ZMYM4: variants seen among roughly 807,000 people sequenced by gnomAD.
The protein encoded by ZMYM4 is zinc finger MYM-type protein 4.
Under a neutral mutation model 183.2 loss-of-function variants are expected in ZMYM4, and 31 were observed. The ratio of observed to expected loss-of-function variants is 0.17; its 90% CI spans 0.13 to 0.23. The LOEUF is 0.23. Ranked by LOEUF, ZMYM4 falls within the 10% of genes least tolerant of loss-of-function variation. The pLI is 1.00. For missense variants in ZMYM4, 1,273 were observed against 1,840.3 expected, an observed-to-expected ratio of 0.69 and a Z score of 5.64; for synonymous variants, 592 against 631.2, an observed-to-expected ratio of 0.94 and a Z score of 0.93.
At chr1:35,275,738 G>A (rs1447970038) in intron 1 of ZMYM4, among the ~76,000 whole-genome samples, 1 of 152,058 alleles carries the variant, frequency 6.6e-6, no homozygotes, top group Non-Finnish European at 1.5e-5. Flanking sequence ...TTGTATAAAT[G>A]TACTGTATTC....
At chr1:35,402,287 A>T (rs1266446605) in intron 23 of ZMYM4, among the ~76,000 whole-genome samples, 1 of 152,134 alleles carries the variant, frequency 6.6e-6, no homozygotes, top group Non-Finnish European at 1.5e-5. Flanking sequence ...AGTATTTAAG[A>T]TATTTTGATG....
At position 35,405,378 on chromosome 1, in the gene ZMYM4, G is replaced by T; in HGVS notation, c.3706G>T (p.Glu1236Ter). The change falls in exon 25 of 30, where the codon GAA becomes TAA. Residue 1236 changes from glutamate to a stop codon, truncating the protein, a stop_gained. Transcript: ENST00000314607. LOFTEE classifies it high-confidence loss of function. Reference sequence around the variant, plus strand: ...TATGTTTCTCTCCTTGTCAGGGGTTGAACAGGCCTCATCTAGCCCACGTTC... The same window carrying T: ...TATGTTTCTCTCCTTGTCAGGGGTTTAACAGGCCTCATCTAGCCCACGTTC... Reference protein sequence around the residue: ...EQGDLKCGGVEQASSSPRSDP... With the variant: ...EQGDLKCGGV 6.2e-7 allele frequency: 1 copy of T among 1,606,508 alleles called. No homozygotes were observed. Among genetic ancestry groups the T allele is most frequent in the South Asian group, 1.1e-5 (1 of 88,946 alleles).
chr1:35,351,060 A>G (rs1368415630), intron 2 of ZMYM4: 2 of 845,354 alleles, frequency 2.4e-6, no homozygotes, highest in Non-Finnish European at 4.0e-6. Flanking sequence ...TAGGTTTGGC[A>G]TGGACAAGAT....
In ZMYM4 at chr1:35,413,813, G is replaced by C. The variant is rs956317775; in HGVS notation, c.3949-159G>C. Reference sequence around the variant, plus strand: ...AACAGGAGCTTTAGCTTGAATTCTAGTGTTTTAACAACTATCTCTAAGGTA... The same window carrying C: ...AACAGGAGCTTTAGCTTGAATTCTACTGTTTTAACAACTATCTCTAAGGTA... On this transcript the variant is annotated intron_variant, in intron 26 of 29. Coordinates refer to ENST00000314607, the MANE Select transcript of ZMYM4 (RefSeq NM_005095.3). Among the ~76,000 whole-genome samples, 4 of 152,174 alleles carry C rather than the reference G, an allele frequency of 2.6e-5. No homozygotes were observed. In the South Asian group the frequency reaches 6.2e-4, roughly 24 times the overall value.
In ZMYM4 at chr1:35,398,912, C is replaced by T; in HGVS notation, c.3302C>T (p.Thr1101Ile). The T allele has an allele frequency of 2.5e-6, 4 of 1,614,134 alleles. No individual in the cohort carries two copies. The highest frequency in any genetic ancestry group is 3.4e-6 in the Non-Finnish European group (4 of 1,179,996). Residue 1101 changes from threonine to isoleucine, a missense_variant, in exon 22 of 30, where the codon ACT (threonine) becomes ATT (isoleucine). Transcript: ENST00000314607. ...SGDLESEAVS[T>I]PHSWEEELNH... ...GATCTTGAATCAGAGGCAGTATCTA[C>T]TCCACATAGCTGGGAGGAAGAGCTG... is the stretch of plus-strand genomic sequence containing the variant.
At chr1:35,321,350 T>G (rs899306075) in intron 1 of ZMYM4, among the ~76,000 whole-genome samples, 3 of 152,124 alleles carry the variant, frequency 2.0e-5, no homozygotes, top group African/African-American at 7.2e-5. Flanking sequence ...TACTATTGAA[T>G]TAAGACTGGA....
rs1162926133 is a variant in ZMYM4 at position 35,398,975 on chromosome 1, C to T, written c.3365C>T (p.Ala1122Val). 1 of 1,613,986 alleles carries T rather than the reference C, an allele frequency of 6.2e-7. No individual in the cohort carries two copies. Reference protein sequence around the residue: ...YALKSNAVQEADSELKQFSKG... With the variant: ...YALKSNAVQEVDSELKQFSKG... ...TTAAAGTCAAATGCTGTGCAAGAGG[C>T]TGATTCAGAATTGAAGCAGTTCTCA... The change falls in exon 22 of 30, where the codon GCT (alanine) becomes GTT (valine). Residue 1122 changes from alanine (A) to valine (V), a missense_variant. Ala to Val is a moderately conservative substitution (Grantham distance 64). Transcript: ENST00000314607.
At chr1:35,357,892 A>C (rs1401394168) in intron 2 of ZMYM4, among the ~76,000 whole-genome samples, 2 of 152,204 alleles carry the variant, frequency 1.3e-5, no homozygotes, top group Admixed American at 6.5e-5. Context: ...AGAGAACAGG[A>C]ATCTTGCAGA....
intron 2 of ZMYM4, among the ~76,000 whole-genome samples, chr1:35,327,010 T>C (rs1286032531): frequency 1.3e-5 from 2 of 152,108 alleles, no homozygotes. Flanking sequence ...CAGGCACACG[T>C]CACCACTCCT....
intron 1 of ZMYM4, among the ~76,000 whole-genome samples, chr1:35,312,653 T>TCCTTCTTTCTTTCTCTTCTTTC (rs1641855031): frequency 1.3e-5 from 2 of 152,048 alleles, no homozygotes; most frequent in Admixed American, 1.3e-4. Flanking sequence ...TCTTTTTCTT[T>TCCTTCTTTCTTTCTCTTCTTTC]CCTTCTTTCT....
intron 3 of ZMYM4, 138 bp downstream of exon 3, chr1:35,359,584 T>C: frequency 1.1e-6 from 1 of 946,804 alleles, no homozygotes; most frequent in Non-Finnish European, 1.5e-6. Flanking sequence ...CTTTTGTCCT[T>C]GTTCTTTGCA....
intron 3 of ZMYM4, among the ~76,000 whole-genome samples, chr1:35,360,540 A>G (rs931410958): frequency 6.6e-6 from 1 of 152,088 alleles, no homozygotes; most frequent in African/African-American, 2.4e-5. Context: ...TCTATAATTC[A>G]GTATATATTT....
At chr1:35,310,097 T>G (rs975996931) in intron 1 of ZMYM4, among the ~76,000 whole-genome samples, 2 of 151,968 alleles carry the variant, frequency 1.3e-5, no homozygotes, top group Admixed American at 1.3e-4. Context: ...GCCCGGCTAA[T>G]GTTTGTATAT....
intron 1 of ZMYM4, among the ~76,000 whole-genome samples, chr1:35,270,494 C>T (rs1038367257): frequency 6.6e-6 from 1 of 152,218 alleles, no homozygotes; most frequent in Non-Finnish European, 1.5e-5. Context: ...CACAGCGGCT[C>T]ACGCCTGTAA....
chr1:35,410,829 T>C (rs183101175), intron 26 of ZMYM4, among the ~76,000 whole-genome samples: 105 of 152,160 alleles, frequency 6.9e-4, no homozygotes, highest in African/African-American at 2.1e-3. Flanking sequence ...TTCTTTTTTG[T>C]TCTTCCTTTT....
chr1:35,281,056 G>A (rs541963509), intron 1 of ZMYM4, among the ~76,000 whole-genome samples: 2 of 152,210 alleles, frequency 1.3e-5, no homozygotes, highest in South Asian at 2.1e-4. Flanking sequence ...AGGCCACTGC[G>A]GGCGGAACAC....
intron 23 of ZMYM4, among the ~76,000 whole-genome samples, chr1:35,402,977 A>G (rs895565078): frequency 6.6e-6 from 1 of 152,214 alleles, no homozygotes; most frequent in African/African-American, 2.4e-5. Context: ...GTCTTGCAAC[A>G]GAAAGTATGA....
chr1:35,319,204 C>G (rs1480964565), intron 1 of ZMYM4, among the ~76,000 whole-genome samples: 3 of 152,152 alleles, frequency 2.0e-5, no homozygotes. Flanking sequence ...TTTAACGTTT[C>G]AAGTGTTTTG....
At chr1:35,337,079 C>T (rs1038933955) in intron 2 of ZMYM4, among the ~76,000 whole-genome samples, 17 of 152,152 alleles carry the variant, frequency 1.1e-4, no homozygotes, top group African/African-American at 4.1e-4. Flanking sequence ...TCTTTCTGGG[C>T]CGGGCACGGT....
Sources: gnomAD v4.1 joint callset for allele counts (sites outside exome capture counted in the v4.1 genomes callset) on GRCh38, gnomAD v4.1.1 for gene constraint, MANE v1.5 for transcripts, NCBI Gene and HGNC (gene_info 2026-07-23, HGNC 2026-07-21) for gene names.